Variants in CPED1 observed in about 807,000 individuals in gnomAD.
CPED1 encodes cadherin like and PC-esterase domain containing 1.
CPED1 carries 114 observed loss-of-function variants against 128.2 expected under a neutral mutation model. The observed-to-expected ratio is 0.89, with a 90% CI of 0.76 to 1.04. The LOEUF is 1.04. CPED1 is among the 50% of genes least tolerant of loss of function. The pLI, the probability that CPED1 is intolerant of heterozygous loss-of-function variation, is 0.00. For missense variants in CPED1, 1,211 were observed against 1,207.1 expected (o/e 1.00, Z -0.05); for synonymous variants, 462 against 426.7 (o/e 1.08, Z -1.02).
rs377692691 is a variant in CPED1 at position 120,989,687 on chromosome 7, A to G, written c.66A>G (p.Leu22=). ...RFCPRPFLVG[L]VVAICLFYQT... ...GCCCCCGACCCTTCTTGGTGGGCTTAGTGGTGGCAATCTGTCTCTTCTACC... is the reference window on the plus strand; with the variant it reads ...GCCCCCGACCCTTCTTGGTGGGCTTGGTGGTGGCAATCTGTCTCTTCTACC... Residue 22 remains leucine (L), a synonymous_variant, in exon 2 of 23, where the codon TTA becomes TTG. Transcript: ENST00000310396. 4.3e-6 allele frequency: 7 copies of G among 1,613,844 alleles called. No homozygotes were observed. The highest frequency in any genetic ancestry group is 1.1e-5 in the South Asian group (1 of 91,044).
intron 16 of CPED1, among the ~76,000 whole-genome samples, chr7:121,191,741 C>T (rs759928086): frequency 2.6e-5 from 4 of 151,744 alleles, no homozygotes; most frequent in African/African-American, 7.3e-5. Flanking sequence ...TTTTAATTGG[C>T]GAGCTCATCA....
At chr7:121,147,086 AC>A (rs1279256380) in intron 16 of CPED1, among the ~76,000 whole-genome samples, 1 of 152,142 alleles carries the variant, frequency 6.6e-6, no homozygotes, top group African/African-American at 2.4e-5. Flanking sequence ...GACAAAGTCA[AC>A]CCTGATTGAG....
chr7:121,120,391 A>G (rs1328852672), intron 7 of CPED1, among the ~76,000 whole-genome samples: 1 of 152,156 alleles, frequency 6.6e-6, no homozygotes, highest in African/African-American at 2.4e-5. Context: ...GCATTTCCCT[A>G]ATGATTAGTG....
intron 16 of CPED1, among the ~76,000 whole-genome samples, chr7:121,157,463 G>A (rs982880469): frequency 6.6e-6 from 1 of 152,132 alleles, no homozygotes; most frequent in South Asian, 2.1e-4. Context: ...GAGCAACGGG[G>A]TGTGTTTCTA....
At chr7:121,077,891 T>C (rs759797185) in intron 5 of CPED1, among the ~76,000 whole-genome samples, 18 of 152,054 alleles carry the variant, frequency 1.2e-4, no homozygotes, top group Non-Finnish European at 2.6e-4. Context: ...TTAAAGTGTT[T>C]TTTACACCTC....
chr7:121,277,614 G>A (rs1246638263), intron 22 of CPED1, among the ~76,000 whole-genome samples: 1 of 152,070 alleles, frequency 6.6e-6, no homozygotes, highest in Non-Finnish European at 1.5e-5. Flanking sequence ...GATCTCTCAA[G>A]GGCTGTAGGC....
intron 16 of CPED1, among the ~76,000 whole-genome samples, chr7:121,199,539 T>G (rs1584590614): frequency 6.7e-6 from 1 of 148,724 alleles, no homozygotes. Flanking sequence ...TAGCTGGGGG[T>G]GGTGGTGCAC....
chr7:121,237,707 A>G (rs1225711885), intron 17 of CPED1, among the ~76,000 whole-genome samples: 1 of 152,122 alleles, frequency 6.6e-6, no homozygotes, highest in Admixed American at 6.5e-5. Context: ...CCCTTCCTCT[A>G]AAAAGGTCTG....
chr7:121,201,120 C>T (rs1235488548), intron 16 of CPED1, among the ~76,000 whole-genome samples: 2 of 151,952 alleles, frequency 1.3e-5, no homozygotes, highest in East Asian at 3.9e-4. Flanking sequence ...GGAGGAGGTG[C>T]ACATCAGATG....
At chr7:121,186,954 C>A (rs1240010815) in intron 16 of CPED1, among the ~76,000 whole-genome samples, 3 of 152,188 alleles carry the variant, frequency 2.0e-5, no homozygotes, top group Non-Finnish European at 4.4e-5. Context: ...TGCTTCCCTG[C>A]AGCATAGGCT....
intron 18 of CPED1, among the ~76,000 whole-genome samples, chr7:121,251,120 A>G (rs1798662418): frequency 6.6e-6 from 1 of 152,244 alleles, no homozygotes; most frequent in Non-Finnish European, 1.5e-5. Flanking sequence ...ATCCACCATG[A>G]TCAAGTGGGC....
chr7:121,109,357 T>G (rs1463915150), intron 7 of CPED1, among the ~76,000 whole-genome samples: 1 of 152,198 alleles, frequency 6.6e-6, no homozygotes, highest in African/African-American at 2.4e-5. Context: ...TCACTCTGTC[T>G]TCTTTGTCTC....
At chr7:121,229,447 C>T (rs577061670) in intron 16 of CPED1, among the ~76,000 whole-genome samples, 1 of 151,866 alleles carries the variant, frequency 6.6e-6, no homozygotes, top group East Asian at 1.9e-4. Flanking sequence ...GTCTTCTTGC[C>T]AAAAGGAGAA....
At chr7:121,225,407 A>T (rs903054142) in intron 16 of CPED1, among the ~76,000 whole-genome samples, 81 of 152,224 alleles carry the variant, frequency 5.3e-4, no homozygotes, top group East Asian at 5.8e-4. Flanking sequence ...GGCTGCCCTT[A>T]ACATTTTTTC....
intron 5 of CPED1, among the ~76,000 whole-genome samples, chr7:121,070,626 A>G (rs904332655): frequency 6.6e-6 from 1 of 152,136 alleles, no homozygotes; most frequent in Non-Finnish European, 1.5e-5. Flanking sequence ...ATGAATTTCT[A>G]ATTGGTAGAA....
chr7:121,285,327 C>A (rs760020938), intron 22 of CPED1, among the ~76,000 whole-genome samples: 3 of 152,158 alleles, frequency 2.0e-5, no homozygotes, highest in Non-Finnish European at 2.9e-5. Flanking sequence ...GGAGGGGCTG[C>A]CATGAAGGTC....
At chr7:121,101,847 C>T (rs1284138522) in intron 7 of CPED1, among the ~76,000 whole-genome samples, 1 of 152,008 alleles carries the variant, frequency 6.6e-6, no homozygotes, top group South Asian at 2.1e-4. Flanking sequence ...AGGGAAGGCA[C>T]CAAGCCATTC....
chr7:121,268,992 G>C (rs1464235044), intron 21 of CPED1, among the ~76,000 whole-genome samples: 1 of 152,028 alleles, frequency 6.6e-6, no homozygotes, highest in Admixed American at 6.5e-5. Flanking sequence ...GTAATTGTGA[G>C]AGCACCAAGG....
chr7:121,038,527 CTG>C (rs1792961798), intron 3 of CPED1, among the ~76,000 whole-genome samples: 2 of 152,098 alleles, frequency 1.3e-5, no homozygotes, highest in Non-Finnish European at 2.9e-5. Context: ...ATGTGAAAGT[CTG>C]TGTCTAGTTA....
Sources: allele counts gnomAD v4.1 joint callset (sites outside exome capture counted in the v4.1 genomes callset), GRCh38; gene constraint gnomAD v4.1.1; transcripts MANE v1.5; gene names NCBI Gene and HGNC (gene_info 2026-07-23, HGNC 2026-07-21).